The following COL25A1 variants were observed in gnomAD, a reference collection of about 807,000 sequenced individuals.
The protein encoded by COL25A1 is collagen alpha-1(XXV) chain.
In COL25A1, 103 loss-of-function variants were observed where a neutral mutation model predicts 128.4. The observed-to-expected ratio is 0.80, with a 90% CI of 0.68 to 0.94. COL25A1 has a LOEUF of 0.94. Ranked by LOEUF, COL25A1 falls within the 40% of genes least tolerant of loss-of-function variation. COL25A1 has a pLI of 0.00. For missense variants in COL25A1, 745 were observed against 840.0 expected (o/e 0.89, Z 1.40); for synonymous variants, 279 against 277.2 (o/e 1.01, Z -0.06).
intron 3 of COL25A1, among the ~76,000 whole-genome samples, chr4:109,153,125 C>A (rs570937248): frequency 1.3e-5 from 2 of 152,056 alleles, no homozygotes; most frequent in Non-Finnish European, 2.9e-5. Context: ...GTGGCTCATG[C>A]CTGTAATCCC....
At chr4:109,204,809 G>A (rs778421754) in intron 3 of COL25A1, among the ~76,000 whole-genome samples, 3 of 151,992 alleles carry the variant, frequency 2.0e-5, no homozygotes, top group Non-Finnish European at 4.4e-5. Flanking sequence ...ACACACACCC[G>A]GGACCCCAAA....
chr4:109,301,938 C>A lies in COL25A1; in HGVS notation c.82G>T (p.Ala28Ser), dbSNP rs752475331. 1.1e-4 allele frequency: 177 copies of A among 1,613,806 alleles called. No homozygotes were observed. The highest frequency in any genetic ancestry group is 2.0e-4 in the Admixed American group (12 of 60,036). The change falls in exon 2 of 38, where the codon GCC becomes TCC. Residue 28 changes from alanine to serine, a missense_variant. Physicochemically the swap from Ala to Ser is moderately conservative, Grantham distance 99. Coordinates refer to ENST00000399132, the MANE Select transcript of COL25A1 (RefSeq NM_198721.4). ...ACGGCACACGGGGGCATGGTCCGGG[C>A]ACAATGCTGTTCGGCAGGGGTCGGG... ...EDPTPAEQHC[A>S]RTMPPCAVLA... is the part of the protein sequence containing the mutation.
chr4:109,112,208 T>A (rs181513708), intron 3 of COL25A1, among the ~76,000 whole-genome samples: 1 of 152,282 alleles, frequency 6.6e-6, no homozygotes, highest in Admixed American at 6.5e-5. Flanking sequence ...ACTGTTGTTA[T>A]AGGAGATCTT....
chr4:108,859,599 A>T (rs900954307), intron 24 of COL25A1, 57 bp downstream of exon 24: 1 of 1,465,268 alleles, frequency 6.8e-7, no homozygotes, highest in East Asian at 2.3e-5. Context: ...CACACATTAC[A>T]TGGGTGCTCC....
At chr4:109,011,720 C>A (rs1756609135) in intron 5 of COL25A1, among the ~76,000 whole-genome samples, 1 of 152,152 alleles carries the variant, frequency 6.6e-6, no homozygotes, top group African/African-American at 2.4e-5. Context: ...CATTTTCTAC[C>A]AGGTCACTCT....
intron 3 of COL25A1, among the ~76,000 whole-genome samples, chr4:109,189,097 T>A (rs1326986710): frequency 6.6e-6 from 1 of 152,212 alleles, no homozygotes; most frequent in Non-Finnish European, 1.5e-5. Flanking sequence ...TCATGTATAA[T>A]TCTCTTACTG....
intron 3 of COL25A1, among the ~76,000 whole-genome samples, chr4:109,061,905 A>T (rs1433440303): frequency 6.6e-6 from 1 of 152,224 alleles, no homozygotes; most frequent in Non-Finnish European, 1.5e-5. Context: ...CACAGCAAGT[A>T]AGCATTTTCC....
intron 3 of COL25A1, among the ~76,000 whole-genome samples, chr4:109,153,797 T>C (rs1016106355): frequency 1.3e-5 from 2 of 152,198 alleles, no homozygotes; most frequent in Non-Finnish European, 2.9e-5. Flanking sequence ...TTTTATTAAG[T>C]GTCTTATTGT....
intron 3 of COL25A1, among the ~76,000 whole-genome samples, chr4:109,240,799 T>C (rs951161123): frequency 6.6e-6 from 1 of 152,060 alleles, no homozygotes; most frequent in Non-Finnish European, 1.5e-5. Flanking sequence ...ACTGAAAGAA[T>C]TGAATGAAAT....
At chr4:109,123,073 C>T (rs1439682393) in intron 3 of COL25A1, among the ~76,000 whole-genome samples, 3 of 152,008 alleles carry the variant, frequency 2.0e-5, no homozygotes, top group Non-Finnish European at 4.4e-5. Flanking sequence ...AATCAAATAT[C>T]CTGCAAATTA....
chr4:108,814,526 G>GCAGATTTCTGGTTTCTCAC (rs539039174), intron 37 of COL25A1, among the ~76,000 whole-genome samples: 3 of 152,114 alleles, frequency 2.0e-5, no homozygotes, highest in Admixed American at 2.0e-4. Context: ...CTAAGGCACC[G>GCAGATTTCTGGTTTCTCAC]CAGATTTCTG....
chr4:109,300,784 G>C (rs1725441692), intron 2 of COL25A1, 132 bp from the exon 3 acceptor site: 1 of 618,714 alleles, frequency 1.6e-6, no homozygotes, highest in Non-Finnish European at 2.9e-6. Flanking sequence ...ATATGTACTT[G>C]GACTCTAGTC....
At chr4:109,149,272 A>T (rs1379709795) in intron 3 of COL25A1, among the ~76,000 whole-genome samples, 2 of 152,212 alleles carry the variant, frequency 1.3e-5, no homozygotes. Context: ...TTCCTATTGG[A>T]TCATTTGTCA....
chr4:109,197,485 A>AATAT (rs1776207335), intron 3 of COL25A1, among the ~76,000 whole-genome samples: 1 of 126,634 alleles, frequency 7.9e-6, no homozygotes, highest in African/African-American at 3.0e-5. Flanking sequence ...TATATTATAT[A>AATAT]TTATATATAA....
rs1272420872 is a variant in COL25A1, at chr4:109,063,787, G to A, written c.368-13608C>T. ...AGACTGGATAAGTAAGCCCCGTCCA[G>A]ATTATTAAAGTCCTCAAATGGCAGG... On this transcript the variant is annotated intron_variant, in intron 3 of 37. Transcript: ENST00000399132. 2.0e-5 allele frequency among the ~76,000 whole-genome samples: 3 copies of A among 152,240 alleles called. No homozygotes were observed. In the East Asian group the frequency reaches 5.8e-4, roughly 29 times the overall value.
At chr4:109,083,465 T>TAA (rs1173343024) in intron 3 of COL25A1, among the ~76,000 whole-genome samples, 3 of 126,384 alleles carry the variant, frequency 2.4e-5, no homozygotes, top group South Asian at 3.5e-4. Flanking sequence ...TTTTTTTTTT[T>TAA]TTTTTTTTTT....
Position 108,812,807 on chromosome 4 carries a change from A to G in COL25A1, c.*1120T>C, listed in dbSNP as rs951435503. ...ACAGATTGTCCCAGTAAGCTCTCCT[A>G]TATCATCGGGAGAGGCGATTTTGGC... On this transcript the variant is annotated 3_prime_UTR_variant, in exon 38 of 38. Coordinates refer to ENST00000399132, the MANE Select transcript of COL25A1 (RefSeq NM_198721.4). 4 of 152,150 alleles carry G rather than the reference A, an allele frequency of 2.6e-5. No individual in the cohort carries two copies. The highest frequency in any genetic ancestry group is 4.8e-5 in the African/African-American group (2 of 41,436). The allele number at this position is 152,150 out of a possible 1,614,324, so 9.4% of individuals were successfully genotyped here. A position where few individuals can be genotyped will look rare whatever the true frequency, so the allele number is the denominator to read the frequency against.
chr4:108,983,876 G>C (rs1028337489), intron 6 of COL25A1, among the ~76,000 whole-genome samples: 3 of 152,154 alleles, frequency 2.0e-5, no homozygotes, highest in East Asian at 1.9e-4. Flanking sequence ...AGCAGCAGCA[G>C]GATTTATTGC....
chr4:108,922,403 A>T (rs1008808204), intron 11 of COL25A1, among the ~76,000 whole-genome samples: 2 of 152,170 alleles, frequency 1.3e-5, no homozygotes, highest in Admixed American at 1.3e-4. Flanking sequence ...ATTTAGACCG[A>T]GAATGTGTAT....
Sources: gnomAD v4.1 joint callset for allele counts (sites outside exome capture counted in the v4.1 genomes callset) on GRCh38, gnomAD v4.1.1 for gene constraint, MANE v1.5 for transcripts, NCBI Gene and HGNC (gene_info 2026-07-23, HGNC 2026-07-21) for gene names.